OPCML: variants seen among roughly 807,000 people sequenced by gnomAD.
The protein encoded by OPCML is opioid binding protein/cell adhesion molecule like, also known as opioid-binding protein/cell adhesion molecule.
OPCML carries 13 observed loss-of-function variants against 37.8 expected under a neutral mutation model. The observed-to-expected ratio is 0.34, with a 90% CI of 0.22 to 0.55. The LOEUF (loss-of-function observed/expected upper bound fraction) is 0.55, where lower values mean the gene tolerates loss of function less well. Among genes scored for constraint, OPCML ranks in the 20% least tolerant of loss-of-function variants. OPCML has a pLI of 0.91. For synonymous variants in OPCML, 176 were observed against 168.8 expected (o/e 1.04, Z -0.33); for missense variants, 341 against 435.6 (o/e 0.78, Z 1.93).
intron 1 of OPCML, among the ~76,000 whole-genome samples, chr11:133,092,650 C>T (rs1246109508): frequency 3.3e-5 from 5 of 152,066 alleles, no homozygotes; most frequent in African/African-American, 7.2e-5. Flanking sequence ...CACTTGAACC[C>T]GGGAGGCGGA....
chr11:132,651,676 C>A (rs1379253925), intron 3 of OPCML, among the ~76,000 whole-genome samples: 1 of 152,170 alleles, frequency 6.6e-6, no homozygotes, highest in Non-Finnish European at 1.5e-5. Flanking sequence ...ATATCTAGGA[C>A]TGGCAGGGCT....
chr11:132,544,506 T>C (rs61163152), intron 3 of OPCML, among the ~76,000 whole-genome samples: 278 of 152,350 alleles, frequency 1.8e-3, no homozygotes, highest in African/African-American at 6.5e-3. Context: ...TGGGCAAATC[T>C]TTTTGGAAAG....
At chr11:133,157,373 G>A (rs936441494) in intron 1 of OPCML, among the ~76,000 whole-genome samples, 6 of 152,164 alleles carry the variant, frequency 3.9e-5, no homozygotes, top group East Asian at 1.9e-4. Context: ...AGCAGGGCTG[G>A]GCTGCCTCCT....
intron 1 of OPCML, among the ~76,000 whole-genome samples, chr11:133,193,340 C>T (rs532600058): frequency 6.6e-6 from 1 of 152,246 alleles, no homozygotes; most frequent in South Asian, 2.1e-4. Context: ...AAGAACTGAG[C>T]TGGGCTTTGT....
intron 1 of OPCML, among the ~76,000 whole-genome samples, chr11:133,031,915 C>T (rs1438869607): frequency 3.9e-5 from 6 of 152,118 alleles, no homozygotes; most frequent in African/African-American, 1.2e-4. Context: ...TATTGAGTGC[C>T]TCTTCTATGC....
chr11:133,122,269 T>C (rs1036806851), intron 1 of OPCML, among the ~76,000 whole-genome samples: 2 of 152,178 alleles, frequency 1.3e-5, no homozygotes, highest in Non-Finnish European at 2.9e-5. Flanking sequence ...CAGCTGCTGC[T>C]GGTTGCCCAA....
chr11:132,532,416 C>A (rs1403635784), intron 3 of OPCML, among the ~76,000 whole-genome samples: 3 of 152,104 alleles, frequency 2.0e-5, no homozygotes, highest in African/African-American at 7.2e-5. Flanking sequence ...TAGAAACTAA[C>A]ATTAATATGC....
At chr11:132,825,108 T>A (rs1213114544) in intron 2 of OPCML, among the ~76,000 whole-genome samples, 1 of 152,226 alleles carries the variant, frequency 6.6e-6, no homozygotes, top group African/African-American at 2.4e-5. Context: ...TATTTGATTA[T>A]TATCTGTCTT....
intron 2 of OPCML, among the ~76,000 whole-genome samples, chr11:132,716,308 G>A (rs1944473858): frequency 6.6e-6 from 1 of 152,092 alleles, no homozygotes; most frequent in Non-Finnish European, 1.5e-5. Flanking sequence ...AAGTGACCTG[G>A]GCTGCAGCGA....
intron 1 of OPCML, among the ~76,000 whole-genome samples, chr11:133,141,035 ACGACGAC>A (rs1949807812): frequency 3.3e-5 from 1 of 30,032 alleles, no homozygotes; most frequent in African/African-American, 6.3e-5. Flanking sequence ...GACGACGACG[ACGACGAC>A]GACGACGAAG....
intron 4 of OPCML, among the ~76,000 whole-genome samples, chr11:132,511,833 T>C (rs143581364): frequency 1.4e-3 from 215 of 150,760 alleles, no homozygotes; most frequent in Middle Eastern, 0.01. Context: ...GTTTTTAACC[T>C]CCATTAAGTG....
chr11:132,434,408 C>T (rs1344432056), intron 7 of OPCML, among the ~76,000 whole-genome samples: 1 of 152,190 alleles, frequency 6.6e-6, no homozygotes, highest in African/African-American at 2.4e-5. Flanking sequence ...CTTCTAAATG[C>T]CTCAGCGACT....
At chr11:132,458,855 T>C (rs908982095) in intron 4 of OPCML, among the ~76,000 whole-genome samples, 4 of 152,132 alleles carry the variant, frequency 2.6e-5, no homozygotes, top group Non-Finnish European at 5.9e-5. Context: ...GGTTGACATA[T>C]GTGAAGAAAA....
chr11:133,479,788 C>T (rs548226344), intron 1 of OPCML, among the ~76,000 whole-genome samples: 1 of 152,332 alleles, frequency 6.6e-6, no homozygotes, highest in African/African-American at 2.4e-5. Flanking sequence ...AAATGACACC[C>T]ATGGCTTAAT....
At chr11:132,424,741 T>C (rs1187799586) in intron 7 of OPCML, among the ~76,000 whole-genome samples, 2 of 152,148 alleles carry the variant, frequency 1.3e-5, no homozygotes, top group African/African-American at 2.4e-5. Flanking sequence ...GCAGGACTGA[T>C]TGAAGGATGA....
At chr11:133,038,903 C>T (rs914736703) in intron 1 of OPCML, among the ~76,000 whole-genome samples, 3 of 151,960 alleles carry the variant, frequency 2.0e-5, no homozygotes, top group African/African-American at 4.8e-5. Context: ...GGCAAGGGTG[C>T]CAGACTGAGA....
intron 1 of OPCML, among the ~76,000 whole-genome samples, chr11:133,135,424 T>C (rs1949673790): frequency 1.4e-5 from 2 of 147,424 alleles, no homozygotes; most frequent in Admixed American, 1.4e-4. Flanking sequence ...TGATTCCTAT[T>C]CTTTGCCCTC....
At chr11:133,517,906 G>A (rs1948317184) in intron 1 of OPCML, among the ~76,000 whole-genome samples, 1 of 152,176 alleles carries the variant, frequency 6.6e-6, no homozygotes, top group South Asian at 2.1e-4. Flanking sequence ...CTGAGCACCA[G>A]GCACAGAATG....
intron 2 of OPCML, among the ~76,000 whole-genome samples, chr11:132,710,920 G>A (rs1012357535): frequency 2.1e-4 from 32 of 152,048 alleles, no homozygotes; most frequent in African/African-American, 6.7e-4. Context: ...ATGAGAGAGG[G>A]TAAGGGGTCT....
Sources: allele counts gnomAD v4.1 joint callset (sites outside exome capture counted in the v4.1 genomes callset), GRCh38; gene constraint gnomAD v4.1.1; transcripts MANE v1.5; gene names NCBI Gene and HGNC (gene_info 2026-07-23, HGNC 2026-07-21).